FHIT: variants seen among roughly 807,000 people sequenced by gnomAD.
The protein encoded by FHIT is fragile histidine triad diadenosine triphosphatase, also known as bis(5'-adenosyl)-triphosphatase.
FHIT carries 19 observed loss-of-function variants against 17.9 expected under a neutral mutation model. That is an observed-to-expected ratio of 1.06 (90% CI 0.74 to 1.56). The LOEUF is 1.56. Ranked by LOEUF, FHIT falls within the 40% of genes most tolerant of loss-of-function variation. The pLI, the probability that FHIT is intolerant of heterozygous loss-of-function variation, is 0.00. For synonymous variants in FHIT, 81 were observed against 69.7 expected (o/e 1.16, Z -0.81); for missense variants, 248 against 189.2 (o/e 1.31, Z -1.82).
intron 5 of FHIT, among the ~76,000 whole-genome samples, chr3:60,104,481 A>AC: frequency 2.6e-5 from 1 of 38,020 alleles, no homozygotes; most frequent in Non-Finnish European, 5.2e-5. Flanking sequence ...AGTGAATTAA[A>AC]CTTTTTTTTT....
chr3:60,950,927 G>A (rs1708859033), intron 3 of FHIT, among the ~76,000 whole-genome samples: 1 of 152,072 alleles, frequency 6.6e-6, no homozygotes, highest in Non-Finnish European at 1.5e-5. Context: ...AACGTCTGGA[G>A]GAACAGCAGC....
At chr3:60,345,871 C>T (rs1028309871) in intron 5 of FHIT, among the ~76,000 whole-genome samples, 6 of 152,218 alleles carry the variant, frequency 3.9e-5, no homozygotes, top group Admixed American at 1.3e-4. Flanking sequence ...TTTGTATATA[C>T]ACACAGATGC....
chr3:60,902,979 C>A (rs1553763576), intron 3 of FHIT, among the ~76,000 whole-genome samples: 1 of 152,202 alleles, frequency 6.6e-6, no homozygotes, highest in East Asian at 1.9e-4. Flanking sequence ...TTACCACTTA[C>A]TACTTCCTAA....
chr3:60,464,224 T>C (rs1044987707), intron 5 of FHIT, among the ~76,000 whole-genome samples: 4 of 152,120 alleles, frequency 2.6e-5, no homozygotes, highest in Non-Finnish European at 4.4e-5. Flanking sequence ...TTTTAAAAAA[T>C]TGTTGTGGGT....
chr3:60,420,178 T>A (rs557764010), intron 5 of FHIT, among the ~76,000 whole-genome samples: 3 of 152,256 alleles, frequency 2.0e-5, no homozygotes, highest in African/African-American at 7.2e-5. Flanking sequence ...TATAAAGGCT[T>A]TTTTACTGAA....
intron 5 of FHIT, among the ~76,000 whole-genome samples, chr3:60,062,393 A>T (rs931291900): frequency 6.6e-6 from 1 of 152,186 alleles, no homozygotes; most frequent in Admixed American, 6.5e-5. Flanking sequence ...CTTATTTTCT[A>T]AGCACCTCCT....
chr3:61,189,879 A>G (rs1294615383), intron 2 of FHIT, among the ~76,000 whole-genome samples: 1 of 152,226 alleles, frequency 6.6e-6, no homozygotes, highest in African/African-American at 2.4e-5. Flanking sequence ...CTGGCTAGCC[A>G]TATGTAGAAA....
intron 5 of FHIT, among the ~76,000 whole-genome samples, chr3:60,517,886 G>A (rs1313239397): frequency 1.3e-5 from 2 of 152,136 alleles, no homozygotes; most frequent in Non-Finnish European, 2.9e-5. Context: ...ATACTGCCCG[G>A]TTCATCATGA....
chr3:60,672,118 T>C (rs1182477324), intron 4 of FHIT, among the ~76,000 whole-genome samples: 1 of 152,206 alleles, frequency 6.6e-6, no homozygotes, highest in Non-Finnish European at 1.5e-5. Context: ...TTGTATTCCT[T>C]TTACTTTTAA....
intron 4 of FHIT, among the ~76,000 whole-genome samples, chr3:60,584,047 C>G (rs782724581): frequency 7.9e-5 from 12 of 152,184 alleles, no homozygotes; most frequent in Non-Finnish European, 1.5e-4. Context: ...CTCCTCACAG[C>G]TGCAGATACA....
chr3:60,668,610 G>T (rs997349906), intron 4 of FHIT, among the ~76,000 whole-genome samples: 2 of 144,960 alleles, frequency 1.4e-5, no homozygotes, highest in African/African-American at 5.2e-5. Flanking sequence ...CGCCCAGGCT[G>T]GAGTGCAGTG....
chr3:61,191,453 T>G (rs1484971445), intron 2 of FHIT, among the ~76,000 whole-genome samples: 1 of 152,136 alleles, frequency 6.6e-6, no homozygotes. Context: ...GTCTCCAGCT[T>G]GCAGACAGCA....
At chr3:59,976,433 A>G (rs1182817190) in intron 7 of FHIT, among the ~76,000 whole-genome samples, 1 of 152,114 alleles carries the variant, frequency 6.6e-6, no homozygotes, top group Non-Finnish European at 1.5e-5. Flanking sequence ...AACACCTCAA[A>G]TAATTAAGTA....
At chr3:60,247,973 C>G (rs17062608) in intron 5 of FHIT, among the ~76,000 whole-genome samples, 1 of 151,986 alleles carries the variant, frequency 6.6e-6, no homozygotes, top group Non-Finnish European at 1.5e-5. Context: ...ATGGAGCCTT[C>G]GAGGAGAAAA....
chr3:60,048,549 G>A (rs2106868653), intron 5 of FHIT, among the ~76,000 whole-genome samples: 1 of 152,274 alleles, frequency 6.6e-6, no homozygotes, highest in Non-Finnish European at 1.5e-5. Context: ...GGGCTTCGGT[G>A]TGAATTTTTG....
chr3:61,089,083 A>G (rs1002298213), intron 2 of FHIT, among the ~76,000 whole-genome samples: 2 of 152,194 alleles, frequency 1.3e-5, no homozygotes, highest in African/African-American at 4.8e-5. Flanking sequence ...TTACTGAACC[A>G]GTGGTACTCA....
chr3:61,172,094 G>T (rs546103737), intron 2 of FHIT, among the ~76,000 whole-genome samples: 1 of 152,138 alleles, frequency 6.6e-6, no homozygotes, highest in South Asian at 2.1e-4. Context: ...AAAGTCATGG[G>T]GAAAAAGGAG....
chr3:59,957,752 G>A (rs1264742446), intron 7 of FHIT, among the ~76,000 whole-genome samples: 1 of 152,068 alleles, frequency 6.6e-6, no homozygotes, highest in Admixed American at 6.6e-5. Flanking sequence ...CTTCCTTTAG[G>A]AGCCAGCACA....
chr3:60,153,582 C>T (rs1254504010), intron 5 of FHIT, among the ~76,000 whole-genome samples: 6 of 152,234 alleles, frequency 3.9e-5, no homozygotes, highest in African/African-American at 1.2e-4. Context: ...GGCACAATAC[C>T]CAGGCACTGC....
Sources: gnomAD v4.1 joint callset for allele counts (sites outside exome capture counted in the v4.1 genomes callset) on GRCh38, gnomAD v4.1.1 for gene constraint, MANE v1.5 for transcripts, NCBI Gene and HGNC (gene_info 2026-07-23, HGNC 2026-07-21) for gene names.